The following SERINC5 variants were observed in gnomAD, a reference collection of about 807,000 sequenced individuals.
SERINC5 encodes the protein chromosome 5 open reading frame 12.
In SERINC5, 41 loss-of-function variants were observed where a neutral mutation model predicts 63.1. The observed-to-expected ratio is 0.65, with a 90% CI of 0.51 to 0.84. The LOEUF is 0.84. Among genes scored for constraint, SERINC5 ranks in the 40% least tolerant of loss-of-function variants. The pLI is 0.00. For synonymous variants in SERINC5, 222 were observed against 215.2 expected, an observed-to-expected ratio of 1.03 and a Z score of -0.28; for missense variants, 523 against 573.0, an observed-to-expected ratio of 0.91 and a Z score of 0.89.
At chr5:80,123,415 C>G (rs562357009) in intron 11 of SERINC5, among the ~76,000 whole-genome samples, 1 of 152,188 alleles carries the variant, frequency 6.6e-6, no homozygotes, top group Non-Finnish European at 1.5e-5. Context: ...AGCCTCCATG[C>G]CTAGCTTCCT....
chr5:80,215,534 A>G (rs1441348160), intron 1 of SERINC5, among the ~76,000 whole-genome samples: 1 of 152,224 alleles, frequency 6.6e-6, no homozygotes, highest in Non-Finnish European at 1.5e-5. Flanking sequence ...ATCTGCCTAG[A>G]CTAGAAATAT....
rs1172708243 is a variant in SERINC5 at position 80,142,469 on chromosome 5, A to G, written c.*1194T>C. The stretch of plus-strand genomic sequence containing the variant: ...GCTGGTCTTGCAACTCCTGACCTCA[A>G]GTGATCCGCCTGCCTCTGCGCACCT... On this transcript the variant is annotated 3_prime_UTR_variant, in exon 12 of 12. Transcript: ENST00000507668. 4 of 983,292 alleles carry G rather than the reference A, an allele frequency of 4.1e-6. No individual in the cohort carries two copies. The East Asian group carries it at 3.4e-4, about 84-fold the overall frequency. 60.9% of individuals were successfully genotyped at this position (983,292 alleles called of 1,614,324 possible).
chr5:80,226,778 G>A (rs908694652), intron 1 of SERINC5, among the ~76,000 whole-genome samples: 1 of 152,138 alleles, frequency 6.6e-6, no homozygotes, highest in Non-Finnish European at 1.5e-5. Context: ...TAGGTGCCAG[G>A]TAGGGTCCTC....
chr5:80,188,524 C>T (rs1228588472), intron 2 of SERINC5, among the ~76,000 whole-genome samples: 3 of 152,058 alleles, frequency 2.0e-5, no homozygotes, highest in Non-Finnish European at 4.4e-5. Flanking sequence ...CATTATTCTA[C>T]ATTCATTATG....
chr5:80,248,492 A>T (rs1050171158), intron 1 of SERINC5, among the ~76,000 whole-genome samples: 3 of 152,212 alleles, frequency 2.0e-5, no homozygotes, highest in Admixed American at 2.0e-4. Flanking sequence ...AAACCTGTGA[A>T]TTGTTTATTT....
intron 11 of SERINC5, chr5:80,114,516 TG>T: frequency 9.7e-6 from 2 of 205,272 alleles, no homozygotes; most frequent in Non-Finnish European, 1.0e-5. Flanking sequence ...TAGCTCACCA[TG>T]GTGGCACATG....
chr5:80,168,703 T>C (rs920353805), intron 6 of SERINC5, among the ~76,000 whole-genome samples: 1 of 152,210 alleles, frequency 6.6e-6, no homozygotes, highest in African/African-American at 2.4e-5. Context: ...CCAAGAGTAG[T>C]TTATAAATGG....
chr5:80,187,029 G>A (rs1308648754), intron 2 of SERINC5, among the ~76,000 whole-genome samples: 1 of 151,998 alleles, frequency 6.6e-6, no homozygotes, highest in Non-Finnish European at 1.5e-5. Flanking sequence ...AGCCAGGCGT[G>A]GTGGCACACG....
rs142220144 is a variant in SERINC5, at chr5:80,139,498, G to C, written c.*4165C>G. On this transcript the variant is annotated 3_prime_UTR_variant, in exon 12 of 12. Transcript: ENST00000507668. ...TTCCCCATTTGTTTCTTTCTGAAAG[G>C]ATTTTGCTTAAGGAAAAAAAAAGCT... The C allele has an allele frequency of 4.3e-4, 426 of 984,904 alleles. No homozygotes were observed. The African/African-American group carries it at 7.1e-3, about 17-fold the overall frequency. The allele number at this position is 984,904 out of a possible 1,614,324, so 61.0% of individuals were successfully genotyped here.
chr5:80,179,766 CAAATTTT>C (rs1476793585), intron 2 of SERINC5, among the ~76,000 whole-genome samples: 1 of 152,170 alleles, frequency 6.6e-6, no homozygotes, highest in Non-Finnish European at 1.5e-5. Flanking sequence ...TTAAAAGTTT[CAAATTTT>C]AGAGTATTTC....
Position 80,141,377 on chromosome 5 carries a change from G to A in SERINC5, c.*2286C>T. The A allele has an allele frequency of 1.0e-6, 1 of 985,430 alleles. No homozygotes were observed. Among genetic ancestry groups the A allele is most frequent in the Non-Finnish European group, 1.2e-6 (1 of 829,936 alleles). 61.0% of individuals were successfully genotyped at this position (985,430 alleles called of 1,614,324 possible). A position where few individuals can be genotyped will look rare whatever the true frequency, so the allele number is the denominator to read the frequency against. The stretch of plus-strand genomic sequence containing the variant: ...CACTCCCTTGCTTGGGCTTCCCTAA[G>A]CTGCTTTCTGCAGAGGAAAGGGCCA... On this transcript the variant is annotated 3_prime_UTR_variant, in exon 12 of 12. Coordinates refer to ENST00000507668, the MANE Select transcript of SERINC5 (RefSeq NM_001174072.3).
At chr5:80,165,298 C>G (rs1161661319) in intron 7 of SERINC5, among the ~76,000 whole-genome samples, 8 of 152,248 alleles carry the variant, frequency 5.3e-5, no homozygotes, top group Admixed American at 2.0e-4. Context: ...CCCATAAATA[C>G]TATGTGTATA....
rs573256350 is a variant in SERINC5, at chr5:80,141,459, GGTCAGTTT to G, written c.*2196_*2203del. ...TCAGCTGGACCTTGACTGCGCGTAA[GGTCAGTTT>G]CTCAAATCACACCAGCTGGCAGCCA... On this transcript the variant is annotated 3_prime_UTR_variant, in exon 12 of 12. Transcript: ENST00000507668. 5.4e-3 allele frequency: 5,262 copies of G among 982,944 alleles called. 196 individuals carry two copies. The African/African-American group carries it at 0.085, about 16-fold the overall frequency. 60.9% of individuals were successfully genotyped at this position (982,944 alleles called of 1,614,324 possible).
intron 11 of SERINC5, chr5:80,113,651 A>T (rs977751565): frequency 3.4e-5 from 9 of 264,884 alleles, no homozygotes; most frequent in Non-Finnish European, 6.2e-5. Context: ...CAAGAGAAAA[A>T]GAGGGAGAAG....
At chr5:80,237,646 C>G (rs1751756420) in intron 1 of SERINC5, among the ~76,000 whole-genome samples, 1 of 151,930 alleles carries the variant, frequency 6.6e-6, no homozygotes, top group Non-Finnish European at 1.5e-5. Flanking sequence ...TGCCAGTTCT[C>G]TCTAATAATC....
At chr5:80,237,774 CAG>C (rs1390712271) in intron 1 of SERINC5, among the ~76,000 whole-genome samples, 1 of 151,810 alleles carries the variant, frequency 6.6e-6, no homozygotes, top group African/African-American at 2.4e-5. Flanking sequence ...AAAAAGAAGT[CAG>C]AGACTCAGCC....
intron 11 of SERINC5, 152 bp from the exon 12 acceptor site, chr5:80,143,962 A>G: frequency 1.1e-6 from 1 of 910,002 alleles, no homozygotes; most frequent in Non-Finnish European, 1.6e-6. Context: ...ATTTCCAAAC[A>G]TTCTCATCAC....
chr5:80,193,877 C>T (rs187758142), intron 2 of SERINC5, among the ~76,000 whole-genome samples: 657 of 152,064 alleles, frequency 4.3e-3, no homozygotes, highest in Middle Eastern at 0.01. Context: ...AAGATAAAAC[C>T]GTTTGGAAAC....
chr5:80,247,459 C>G (rs189757180), intron 1 of SERINC5, among the ~76,000 whole-genome samples: 2 of 152,318 alleles, frequency 1.3e-5, no homozygotes, highest in Non-Finnish European at 2.9e-5. Flanking sequence ...TCCACGCCTA[C>G]AGACTGGCCT....
Sources: allele counts gnomAD v4.1 joint callset (sites outside exome capture counted in the v4.1 genomes callset), GRCh38; gene constraint gnomAD v4.1.1; transcripts MANE v1.5; gene names NCBI Gene and HGNC (gene_info 2026-07-23, HGNC 2026-07-21).